FSTL5: variants seen among roughly 807,000 people sequenced by gnomAD.
The protein encoded by FSTL5 is follistatin-related protein 5.
FSTL5 carries 62 observed loss-of-function variants against 89.1 expected under a neutral mutation model. The ratio of observed to expected loss-of-function variants is 0.70; its 90% CI spans 0.57 to 0.86. FSTL5 has a LOEUF of 0.86. FSTL5 is among the 40% of genes least tolerant of loss of function. FSTL5 has a pLI of 0.00. For missense variants in FSTL5, 1,057 were observed against 1,001.6 expected, an observed-to-expected ratio of 1.06 and a Z score of -0.75; for synonymous variants, 383 against 346.2, an observed-to-expected ratio of 1.11 and a Z score of -1.18.
intron 4 of FSTL5, among the ~76,000 whole-genome samples, chr4:161,844,242 C>T (rs1163490106): frequency 6.6e-6 from 1 of 152,074 alleles, no homozygotes; most frequent in African/African-American, 2.4e-5. Flanking sequence ...GTCATACAAT[C>T]TCATGCCAGT....
intron 3 of FSTL5, among the ~76,000 whole-genome samples, chr4:161,967,931 G>C (rs1298964457): frequency 6.6e-6 from 1 of 151,930 alleles, no homozygotes; most frequent in East Asian, 1.9e-4. Context: ...AAATAAACTA[G>C]ATAATTTCCC....
At chr4:161,583,892 T>A (rs1733518931) in intron 8 of FSTL5, among the ~76,000 whole-genome samples, 1 of 152,212 alleles carries the variant, frequency 6.6e-6, no homozygotes, top group African/African-American at 2.4e-5. Context: ...GTCACATTTA[T>A]CATGTCCTCT....
intron 4 of FSTL5, among the ~76,000 whole-genome samples, chr4:161,803,211 T>C (rs952710158): frequency 2.0e-5 from 3 of 151,926 alleles, no homozygotes; most frequent in Admixed American, 2.0e-4. Flanking sequence ...TTCTCTAGCA[T>C]AATAGGTTCA....
At chr4:161,491,857 A>C (rs1729888871) in intron 12 of FSTL5, among the ~76,000 whole-genome samples, 2 of 139,068 alleles carry the variant, frequency 1.4e-5, no homozygotes, top group South Asian at 4.8e-4. Flanking sequence ...AAAAAAAAAG[A>C]GAGAGAGCCA....
chr4:161,756,968 TC>T (rs1740591732), intron 6 of FSTL5, among the ~76,000 whole-genome samples: 1 of 152,182 alleles, frequency 6.6e-6, no homozygotes, highest in Admixed American at 6.5e-5. Context: ...TATGTATCTT[TC>T]TATTGAGAGA....
chr4:161,640,491 T>C (rs1275211218), intron 7 of FSTL5, among the ~76,000 whole-genome samples: 1 of 152,016 alleles, frequency 6.6e-6, no homozygotes, highest in Non-Finnish European at 1.5e-5. Flanking sequence ...CAGAAAAAAA[T>C]TCTGGAGCTG....
At chr4:161,830,338 G>A (rs964142144) in intron 4 of FSTL5, among the ~76,000 whole-genome samples, 8 of 151,896 alleles carry the variant, frequency 5.3e-5, no homozygotes, top group Admixed American at 1.3e-4. Flanking sequence ...GTTCTTATGT[G>A]GATAGTAAGG....
intron 1 of FSTL5, among the ~76,000 whole-genome samples, chr4:162,119,332 C>G (rs1731769872): frequency 6.6e-6 from 1 of 151,990 alleles, no homozygotes; most frequent in South Asian, 2.1e-4. Context: ...CTGAATACTT[C>G]TGGAAGAGGG....
chr4:161,484,671 C>G (rs186814115), intron 12 of FSTL5, among the ~76,000 whole-genome samples: 1 of 152,214 alleles, frequency 6.6e-6, no homozygotes, highest in Admixed American at 6.5e-5. Flanking sequence ...TCAAGGTCAC[C>G]AGTGGCCTCA....
intron 15 of FSTL5, among the ~76,000 whole-genome samples, chr4:161,438,737 A>G (rs1732658352): frequency 6.6e-6 from 1 of 152,212 alleles, no homozygotes. Flanking sequence ...TAATGAAGTA[A>G]CTATGATATT....
chr4:161,783,885 C>T (rs1741786483), intron 4 of FSTL5, among the ~76,000 whole-genome samples: 1 of 149,858 alleles, frequency 6.7e-6, no homozygotes, highest in Non-Finnish European at 1.5e-5. Flanking sequence ...CATGCCTCAG[C>T]CTCCTGAGTA....
rs568308299 is a variant in FSTL5, at chr4:162,084,465, T to C, written c.126+26806A>G. Among the ~76,000 whole-genome samples the C allele has an allele frequency of 2.0e-3, 311 of 151,982 alleles. 2 individuals carry two copies. The highest frequency in any genetic ancestry group is 7.1e-3 in the African/African-American group (295 of 41,516). On this transcript the variant is annotated intron_variant, in intron 2 of 15. Transcript: ENST00000306100. ...ACAACAACAAAATGTATTACAAACT[T>C]CTGCACATGTATGTTTATTGCAGCA...
chr4:161,389,147 A>T (rs1730740587), intron 15 of FSTL5, among the ~76,000 whole-genome samples: 1 of 151,982 alleles, frequency 6.6e-6, no homozygotes, highest in Admixed American at 6.6e-5. Context: ...GAAGTCTCCC[A>T]CTGTTCATTA....
chr4:161,961,836 C>T (rs1735187201), intron 3 of FSTL5, among the ~76,000 whole-genome samples: 1 of 151,560 alleles, frequency 6.6e-6, no homozygotes. Flanking sequence ...TGAATTGTAT[C>T]AATGTCCTTA....
chr4:161,692,605 C>T (rs1225779451), intron 6 of FSTL5, among the ~76,000 whole-genome samples: 2 of 151,970 alleles, frequency 1.3e-5, no homozygotes, highest in Non-Finnish European at 2.9e-5. Context: ...CAGAAAAATC[C>T]CCTGGGTGAA....
At chr4:161,418,516 C>T (rs766464629) in intron 15 of FSTL5, among the ~76,000 whole-genome samples, 10 of 152,042 alleles carry the variant, frequency 6.6e-5, no homozygotes, top group African/African-American at 1.2e-4. Flanking sequence ...ACCACCATTA[C>T]GACAGTGATC....
chr4:162,090,049 A>C (rs1358187335), intron 2 of FSTL5, among the ~76,000 whole-genome samples: 2 of 152,182 alleles, frequency 1.3e-5, no homozygotes, highest in Non-Finnish European at 2.9e-5. Context: ...CATGCAAATT[A>C]TTAAATCTGG....
intron 7 of FSTL5, among the ~76,000 whole-genome samples, chr4:161,608,069 C>T (rs1260240756): frequency 6.6e-6 from 1 of 152,016 alleles, no homozygotes; most frequent in East Asian, 1.9e-4. Flanking sequence ...AATTTGTTTC[C>T]TTTTTCTAAG....
At chr4:161,726,227 C>CCT (rs1553961474) in intron 6 of FSTL5, among the ~76,000 whole-genome samples, 7 of 113,678 alleles carry the variant, frequency 6.2e-5, no homozygotes, top group African/African-American at 2.4e-4. Flanking sequence ...TTTTCTTTTT[C>CCT]TTTTTTTTTT....
Sources: allele counts gnomAD v4.1 joint callset (sites outside exome capture counted in the v4.1 genomes callset), GRCh38; gene constraint gnomAD v4.1.1; transcripts MANE v1.5; gene names NCBI Gene and HGNC (gene_info 2026-07-23, HGNC 2026-07-21).